Variants in GFM1 observed in about 807,000 individuals in gnomAD.
GFM1 encodes the protein elongation factor G, mitochondrial.
In GFM1, 62 loss-of-function variants were observed where a neutral mutation model predicts 96.2. The ratio of observed to expected loss-of-function variants is 0.64; its 90% CI spans 0.53 to 0.80. GFM1 has a LOEUF of 0.80. GFM1 is among the 30% of genes least tolerant of loss of function. GFM1 has a pLI of 0.00. For synonymous variants in GFM1, 282 were observed against 312.9 expected, an observed-to-expected ratio of 0.90 and a Z score of 1.04; for missense variants, 852 against 916.6, an observed-to-expected ratio of 0.93 and a Z score of 0.91.
In GFM1 at chr3:158,653,510, T is replaced by C. The variant is rs750029994; in HGVS notation, c.998+43T>C. 9 of 1,405,762 alleles carry C rather than the reference T, an allele frequency of 6.4e-6. No individual in the cohort carries two copies. In the East Asian group the frequency reaches 6.8e-5, roughly 11 times the overall value. The allele number at this position is 1,405,762 out of a possible 1,614,324, so 87.1% of individuals were successfully genotyped here. On this transcript the variant is annotated intron_variant, in intron 7 of 17. Coordinates refer to ENST00000486715, the MANE Select transcript of GFM1 (RefSeq NM_024996.7). ...AATCTTAGTTTATGCAGAAATACTT[T>C]CGTATTTATGCACTGTGAAGGAATT...
intron 13 of GFM1, chr3:158,672,753 T>C (rs1724483028): frequency 2.8e-6 from 1 of 352,972 alleles, no homozygotes. Flanking sequence ...TGGTTCCTAC[T>C]GGAGGAGAGG....
chr3:158,646,172 G>C lies in GFM1; in HGVS notation c.242G>C (p.Gly81Ala). 1 of 1,614,178 alleles carries C rather than the reference G, an allele frequency of 6.2e-7. No individual in the cohort carries two copies. The highest frequency in any genetic ancestry group is 1.7e-5 in the Admixed American group (1 of 60,026). Residue 81 changes from glycine to alanine, a missense_variant, in exon 3 of 18, where the codon GGT becomes GCT. Physicochemically the swap from Gly to Ala is moderately conservative, Grantham distance 60 (BLOSUM62 0). Coordinates refer to ENST00000486715, the MANE Select transcript of GFM1 (RefSeq NM_024996.7). ...GRIAKMHEVK[G>A]KDGVGAVMDS... ...TGCTGTGCTTGTGTTTAGGTGAAAG[G>C]TAAAGATGGAGTTGGTGCTGTCATG... is the stretch of plus-strand genomic sequence containing the variant.
Position 158,672,445 on chromosome 3 carries a change from T to G in GFM1, c.1601+6059T>G, listed in dbSNP as rs201539864. ...TAGTTCTGTGCCACCAAGGCCGCCC[T>G]GGAGGCTGGGTAGTTGGTCGGCGGG... On this transcript the variant is annotated intron_variant, in intron 13 of 17. Transcript: ENST00000486715. 4.2e-5 allele frequency: 67 copies of G among 1,614,024 alleles called. No individual in the cohort carries two copies. In the African/African-American group the frequency reaches 5.3e-4, roughly 13 times the overall value.
At chr3:158,667,100 G>C (rs369991582) in intron 13 of GFM1, 16 of 1,551,238 alleles carry the variant, frequency 1.0e-5, no homozygotes, top group African/African-American at 1.4e-5. Context: ...AAAACGTGTT[G>C]TTTAAAACTT....
At chr3:158,646,067 G>T (rs1303553539) in intron 2 of GFM1, 98 bp from the exon 3 acceptor site, 1 of 1,436,276 alleles carries the variant, frequency 7.0e-7, no homozygotes, top group Non-Finnish European at 9.8e-7. Context: ...ATAGGCATGA[G>T]CCACTGCACC....
rs1726496093 is a variant in GFM1 at position 158,695,160 on chromosome 3, G to A, written c.*3693G>A. On this transcript the variant is annotated 3_prime_UTR_variant, in exon 18 of 18. Coordinates refer to ENST00000486715, the MANE Select transcript of GFM1 (RefSeq NM_024996.7). ...AGGCCAAGGTGGGTGGATAACCTGA[G>A]GTCAGGAGTTCGAGACCACCCTGGC... Among the ~76,000 whole-genome samples, 1 of 152,006 alleles carries A rather than the reference G, an allele frequency of 6.6e-6. No individual in the cohort carries two copies. The highest frequency in any genetic ancestry group is 6.6e-5 in the Admixed American group (1 of 15,254).
chr3:158,690,091 CT>C, intron 15 of GFM1, 71 bp from the exon 16 acceptor site: 1 of 1,367,016 alleles, frequency 7.3e-7, no homozygotes. Flanking sequence ...ATTTTTCTCC[CT>C]TTTTTATATC....
chr3:158,657,421 A>T (rs1246953567), intron 8 of GFM1: 1 of 152,158 alleles, frequency 6.6e-6, no homozygotes, highest in Non-Finnish European at 1.5e-5. Context: ...AATGAATATC[A>T]TCATTGAGTA....
At chr3:158,648,446 A>C (rs1722014005) in intron 4 of GFM1, among the ~76,000 whole-genome samples, 1 of 152,096 alleles carries the variant, frequency 6.6e-6, no homozygotes, top group South Asian at 2.1e-4. Context: ...TGGGAGGCCG[A>C]GGCGGGTGGA....
rs773603488 is a variant in GFM1, at chr3:158,644,700, C to T, written c.66C>T (p.Gly22=). The T allele has an allele frequency of 6.3e-7, 1 of 1,577,686 alleles. No individual in the cohort carries two copies. The highest frequency in any genetic ancestry group is 8.6e-7 in the Non-Finnish European group (1 of 1,162,396). ...GCGGAAGGGCCCCCGCCTCCCTAGG[C>T]TGGCAGAGGAAGCAGGTACCGGAGC... ...LGRGRAPASL[G]WQRKQVNWKA... Residue 22 remains glycine (G), a synonymous_variant, in exon 1 of 18, where the codon GGC becomes GGT. Coordinates refer to ENST00000486715, the MANE Select transcript of GFM1 (RefSeq NM_024996.7).
chr3:158,654,486 A>T (rs1722577886), intron 7 of GFM1, 61 bp from the exon 8 acceptor site: 1 of 1,023,010 alleles, frequency 9.8e-7, no homozygotes, highest in African/African-American at 1.6e-5. Flanking sequence ...GATGAAATAA[A>T]TTGATATAAA....
Position 158,691,476 on chromosome 3 carries a change from A to G in GFM1, c.*9A>G, listed in dbSNP as rs372245257. The G allele has an allele frequency of 3.0e-5, 48 of 1,613,086 alleles. No homozygotes were observed. The African/African-American group carries it at 6.1e-4, about 21-fold the overall frequency. ...GAAAAGCCAAGAACTAACTTTGCTT[A>G]CTGTGAGTTGACTGACTCTAATTGA... On this transcript the variant is annotated 3_prime_UTR_variant, in exon 18 of 18. Coordinates refer to ENST00000486715, the MANE Select transcript of GFM1 (RefSeq NM_024996.7).
Position 158,666,379 on chromosome 3 carries a change from C to T in GFM1, c.1594C>T (p.Pro532Ser), listed in dbSNP as rs149348601. 1 of 1,612,696 alleles carries T rather than the reference C, an allele frequency of 6.2e-7. No individual in the cohort carries two copies. The highest frequency in any genetic ancestry group is 8.5e-7 in the Non-Finnish European group (1 of 1,178,810). ...KVAFRETITA[P>S]VPFDFTHKKQ... ...TGCCTTTCGAGAGACCATTACTGCC[C>T]CTGTCCCGTAAGTATGCAACGTAAT... is the stretch of plus-strand genomic sequence containing the variant. Residue 532 changes from proline to serine, a missense_variant, in exon 13 of 18, where the codon CCT becomes TCT. Physicochemically the swap from Pro to Ser is moderately conservative, Grantham distance 74. Transcript: ENST00000486715.
chr3:158,684,234 A>G (rs997602665), intron 14 of GFM1, among the ~76,000 whole-genome samples: 18 of 152,278 alleles, frequency 1.2e-4, no homozygotes, highest in Admixed American at 5.2e-4. Flanking sequence ...GGATCAGAAA[A>G]AAATAACTAA....
Position 158,661,742 on chromosome 3 carries a change from T to C in GFM1, c.1323+767T>C, listed in dbSNP as rs76857339. On this transcript the variant is annotated intron_variant, in intron 10 of 17. Coordinates refer to ENST00000486715, the MANE Select transcript of GFM1 (RefSeq NM_024996.7). Reference sequence around the variant, plus strand: ...TATGATGAGTACATAGGGTGACAGGTAATTTGCAGTGGGTCATTTACATAA... The same window carrying C: ...TATGATGAGTACATAGGGTGACAGGCAATTTGCAGTGGGTCATTTACATAA... Among the ~76,000 whole-genome samples, 104 of 152,276 alleles carry C rather than the reference T, an allele frequency of 6.8e-4. No homozygotes were observed. The South Asian group carries it at 0.012, about 18-fold the overall frequency.
chr3:158,666,781 A>G (rs1296729751), intron 13 of GFM1: 1 of 1,576,376 alleles, frequency 6.3e-7, no homozygotes, highest in Admixed American at 1.7e-5. Flanking sequence ...GATAAAATTC[A>G]GAAAACATTT....
At chr3:158,680,504 A>G (rs778518156) in intron 13 of GFM1, among the ~76,000 whole-genome samples, 1 of 152,184 alleles carries the variant, frequency 6.6e-6, no homozygotes, top group Non-Finnish European at 1.5e-5. Context: ...TAGCTTTTGA[A>G]GTGAATAAAC....
At position 158,690,202 on chromosome 3, in the gene GFM1, T is replaced by A. The variant is rs1386253340; in HGVS notation, c.1949T>A (p.Met650Lys). Residue 650 changes from methionine to lysine, a missense_variant, in exon 16 of 18, where the codon ATG becomes AAG. By Grantham distance (95) the Met-to-Lys change is moderately conservative (BLOSUM62 -1). Transcript: ENST00000486715. ...NATLCILEPI[M>K]AVEVVAPNEF... Reference sequence around the variant, plus strand: ...ACATTATGTATTCTTGAACCTATTATGGCTGTGGAAGTTGTAGCTCCAAAT... The same window carrying A: ...ACATTATGTATTCTTGAACCTATTAAGGCTGTGGAAGTTGTAGCTCCAAAT... 6.2e-7 allele frequency: 1 copy of A among 1,613,814 alleles called. No individual in the cohort carries two copies. The highest frequency in any genetic ancestry group is 8.5e-7 in the Non-Finnish European group (1 of 1,179,850).
intron 15 of GFM1, among the ~76,000 whole-genome samples, chr3:158,688,564 A>C (rs914126840): frequency 6.6e-6 from 1 of 152,198 alleles, no homozygotes; most frequent in Admixed American, 6.5e-5. Flanking sequence ...AAATCTAGCT[A>C]TATCTGCTCA....
Sources: gnomAD v4.1 joint callset for allele counts (sites outside exome capture counted in the v4.1 genomes callset) on GRCh38, gnomAD v4.1.1 for gene constraint, MANE v1.5 for transcripts, NCBI Gene and HGNC (gene_info 2026-07-23, HGNC 2026-07-21) for gene names.